The following SFMBT1 variants were observed in gnomAD, a reference collection of about 807,000 sequenced individuals.
The protein encoded by SFMBT1 is Scm like with four mbt domains 1, also known as scm-like with four MBT domains protein 1.
SFMBT1 carries 32 observed loss-of-function variants against 108.7 expected under a neutral mutation model. That is an observed-to-expected ratio of 0.29 (90% CI 0.22 to 0.40). SFMBT1 has a LOEUF of 0.40. Ranked by LOEUF, SFMBT1 falls within the 10% of genes least tolerant of loss-of-function variation. The pLI is 1.00. For missense variants in SFMBT1, 816 were observed against 1,059.6 expected, an observed-to-expected ratio of 0.77 and a Z score of 3.19; for synonymous variants, 348 against 369.5, an observed-to-expected ratio of 0.94 and a Z score of 0.67.
At chr3:52,993,139 G>A (rs1211211740) in intron 1 of SFMBT1, among the ~76,000 whole-genome samples, 1 of 132,228 alleles carries the variant, frequency 7.6e-6, no homozygotes. Flanking sequence ...CATAGAGCAG[G>A]TAAAAAGGGT....
intron 1 of SFMBT1, among the ~76,000 whole-genome samples, chr3:53,021,480 A>AAAT (rs1441219731): frequency 2.6e-5 from 4 of 152,222 alleles, no homozygotes; most frequent in Admixed American, 1.3e-4. Flanking sequence ...AAATAAAAGT[A>AAAT]AATGCCTCTA....
intron 3 of SFMBT1, among the ~76,000 whole-genome samples, chr3:52,946,454 T>C (rs1204386712): frequency 6.6e-6 from 1 of 152,242 alleles, no homozygotes; most frequent in East Asian, 1.9e-4. Flanking sequence ...ATTTTTTGAG[T>C]GGAGCTTCTC....
At position 52,984,285 on chromosome 3, in the gene SFMBT1, A is replaced by G. The variant is rs923205707; in HGVS notation, c.-130-15027T>C. ...TTCAGGAAAATGTTTTCAATCAACA[A>G]AAGTATAATTACTATCTGTGTAGTG... On this transcript the variant is annotated intron_variant, in intron 1 of 20. Coordinates refer to ENST00000394752, the MANE Select transcript of SFMBT1 (RefSeq NM_016329.4). Among the ~76,000 whole-genome samples the G allele has an allele frequency of 4.6e-5, 7 of 152,352 alleles. No individual in the cohort carries two copies. The South Asian group carries it at 1.2e-3, about 27-fold the overall frequency.
Position 53,014,473 on chromosome 3 carries a change from A to T in SFMBT1, c.-131+31343T>A, listed in dbSNP as rs537708369. 5.4e-4 allele frequency among the ~76,000 whole-genome samples: 53 copies of T among 97,974 alleles called. No homozygotes were observed. The East Asian group carries it at 0.012, about 22-fold the overall frequency. The allele number at this position is 97,974 out of a possible 152,430, so 64.3% of individuals were successfully genotyped here. On this transcript the variant is annotated intron_variant, in intron 1 of 20. Transcript: ENST00000394752. The stretch of plus-strand genomic sequence containing the variant: ...TGACAGAGTGAGAGACCCTGTATTT[A>T]AAAAAAACAAAACAAAACAAAACAA...
intron 2 of SFMBT1, among the ~76,000 whole-genome samples, chr3:52,961,506 G>A (rs1165951794): frequency 1.3e-5 from 2 of 152,070 alleles, no homozygotes; most frequent in African/African-American, 4.8e-5. Flanking sequence ...GTACATGATT[G>A]TGCCTGTGAA....
intron 3 of SFMBT1, among the ~76,000 whole-genome samples, chr3:52,946,828 G>A (rs967164042): frequency 6.7e-6 from 1 of 148,916 alleles, no homozygotes; most frequent in Non-Finnish European, 1.5e-5. Flanking sequence ...CTGGACTGCA[G>A]TGGAGTGATC....
intron 1 of SFMBT1, among the ~76,000 whole-genome samples, chr3:52,985,345 C>G (rs1704867660): frequency 6.6e-6 from 1 of 152,150 alleles, no homozygotes; most frequent in Non-Finnish European, 1.5e-5. Context: ...CTCAACAGAA[C>G]AAATGCTTGT....
intron 17 of SFMBT1, among the ~76,000 whole-genome samples, chr3:52,910,429 T>C (rs1211200089): frequency 6.6e-6 from 1 of 152,184 alleles, no homozygotes; most frequent in Non-Finnish European, 1.5e-5. Flanking sequence ...GAGTCAAGTC[T>C]GGCCCATGAC....
chr3:52,949,570 T>TC (rs1703498301), intron 3 of SFMBT1, among the ~76,000 whole-genome samples: 1 of 97,396 alleles, frequency 1.0e-5, no homozygotes, highest in Non-Finnish European at 2.1e-5. Context: ...ATGTCCTTCT[T>TC]TTTTTTTTTT....
chr3:53,045,724 A>C (rs1700216388), intron 1 of SFMBT1, 92 bp downstream of exon 1: 1 of 145,632 alleles, frequency 6.9e-6, no homozygotes, highest in African/African-American at 2.5e-5. Context: ...GCCGCTTCGA[A>C]GGGGACGCCG....
intron 6 of SFMBT1, 148 bp downstream of exon 6, chr3:52,931,911 TAAC>T: frequency 1.1e-6 from 1 of 906,370 alleles, no homozygotes; most frequent in Non-Finnish European, 1.6e-6. Context: ...GCACTTAATT[TAAC>T]AACTCCATAT....
chr3:52,931,904 C>T (rs953619784), intron 6 of SFMBT1, among the ~76,000 whole-genome samples, 158 bp downstream of exon 6: 2 of 152,062 alleles, frequency 1.3e-5, no homozygotes, highest in African/African-American at 4.8e-5. Flanking sequence ...AAAATAGGCA[C>T]TTAATTTAAC....
At chr3:52,913,735 G>A in intron 14 of SFMBT1, 118 bp from the exon 15 acceptor site, 1 of 1,090,282 alleles carries the variant, frequency 9.2e-7, no homozygotes, top group East Asian at 2.6e-5. Flanking sequence ...TATAAAGTTT[G>A]GAATTACTTA....
At chr3:52,955,972 C>T (rs759599959) in intron 2 of SFMBT1, among the ~76,000 whole-genome samples, 4 of 152,162 alleles carry the variant, frequency 2.6e-5, no homozygotes, top group Non-Finnish European at 4.4e-5. Context: ...TACTGGCAAA[C>T]AGAATGCAGA....
chr3:52,931,898 T>C (rs1702869933), intron 6 of SFMBT1, among the ~76,000 whole-genome samples, 164 bp downstream of exon 6: 1 of 151,672 alleles, frequency 6.6e-6, no homozygotes, highest in South Asian at 2.1e-4. Context: ...AAAAGAAAAA[T>C]AGGCACTTAA....
intron 1 of SFMBT1, among the ~76,000 whole-genome samples, chr3:52,982,503 CG>C (rs1191822615): frequency 4.0e-5 from 6 of 151,766 alleles, no homozygotes; most frequent in Non-Finnish European, 8.8e-5. Context: ...CTGAGGCGGG[CG>C]GATCACTTGA....
intron 1 of SFMBT1, among the ~76,000 whole-genome samples, chr3:53,012,253 A>G (rs1050069997): frequency 3.9e-5 from 6 of 152,232 alleles, no homozygotes; most frequent in Non-Finnish European, 5.9e-5. Flanking sequence ...GTGTGGTGGA[A>G]GCCGAGGCTA....
chr3:52,981,413 A>C (rs1704706667), intron 1 of SFMBT1, among the ~76,000 whole-genome samples: 2 of 151,916 alleles, frequency 1.3e-5, no homozygotes, highest in Admixed American at 6.6e-5. Context: ...CCCAGGCTGG[A>C]GTGCAATGGC....
At chr3:52,905,362 T>A in intron 20 of SFMBT1, 86 bp from the exon 21 acceptor site, 1 of 1,387,730 alleles carries the variant, frequency 7.2e-7, no homozygotes, top group Non-Finnish European at 9.8e-7. Context: ...TTTAGCTCTG[T>A]CAAAACTGGA....
Sources: gnomAD v4.1 joint callset for allele counts (sites outside exome capture counted in the v4.1 genomes callset) on GRCh38, gnomAD v4.1.1 for gene constraint, MANE v1.5 for transcripts, NCBI Gene and HGNC (gene_info 2026-07-23, HGNC 2026-07-21) for gene names.